Variants in PTPN22 observed in about 807,000 individuals in gnomAD.
The protein encoded by PTPN22 is tyrosine-protein phosphatase non-receptor type 22.
Under a neutral mutation model 103.3 loss-of-function variants are expected in PTPN22, and 85 were observed. That is an observed-to-expected ratio of 0.82 (90% confidence interval 0.69 to 0.99). PTPN22 has a LOEUF of 0.99. Among genes scored for constraint, PTPN22 ranks in the 50% least tolerant of loss-of-function variants. PTPN22 has a pLI of 0.00. For missense variants in PTPN22, 865 were observed against 936.9 expected, an observed-to-expected ratio of 0.92 and a Z score of 1.00; for synonymous variants, 323 against 310.2, an observed-to-expected ratio of 1.04 and a Z score of -0.43.
At position 113,871,521 on chromosome 1, in the gene PTPN22, C is replaced by A. The variant is rs751661052; in HGVS notation, c.87+16G>T. 6.2e-7 allele frequency: 1 copy of A among 1,606,766 alleles called. No individual in the cohort carries two copies. The highest frequency in any genetic ancestry group is 1.7e-5 in the Admixed American group (1 of 60,002). On this transcript the variant is annotated intron_variant, in intron 1 of 20. Transcript: ENST00000359785. ...GTGTATGTAACTACCCTGAGAGGGT[C>A]ACATACAGGACTCACCAGAAATTCA...
At chr1:113,855,598 A>T (rs1194395167) in intron 7 of PTPN22, among the ~76,000 whole-genome samples, 1 of 152,116 alleles carries the variant, frequency 6.6e-6, no homozygotes, top group Admixed American at 6.6e-5. Flanking sequence ...CATTATACCA[A>T]GACAACAGTC....
chr1:113,816,729 T>C (rs1661183570), intron 20 of PTPN22, among the ~76,000 whole-genome samples: 1 of 152,030 alleles, frequency 6.6e-6, no homozygotes, highest in African/African-American at 2.4e-5. Context: ...GCCAACATGA[T>C]GAAACCCTGT....
At chr1:113,859,188 A>C in intron 2 of PTPN22, 110 bp from the exon 3 acceptor site, 2 of 1,476,988 alleles carry the variant, frequency 1.4e-6, no homozygotes. Flanking sequence ...AAGTGAGTGA[A>C]TGAATGAATG....
chr1:113,847,236 C>CTTTTT (rs34578333), intron 11 of PTPN22, among the ~76,000 whole-genome samples: 1 of 101,446 alleles, frequency 9.9e-6, no homozygotes, highest in Non-Finnish European at 2.1e-5. Context: ...TGCTGAGACT[C>CTTTTT]TTTTTTTTTT....
At chr1:113,827,750 G>A (rs781169163) in intron 18 of PTPN22, among the ~76,000 whole-genome samples, 8 of 152,004 alleles carry the variant, frequency 5.3e-5, no homozygotes, top group Non-Finnish European at 7.4e-5. Context: ...CAGGAGGATC[G>A]CTTGAGTCTA....
chr1:113,838,352 C>A lies in PTPN22; in HGVS notation c.1048G>T (p.Glu350Ter). 6.3e-7 allele frequency: 1 copy of A among 1,598,916 alleles called. No homozygotes were observed. The change falls in exon 13 of 21, where the codon GAA (glutamate) becomes TAA (stop). Residue 350 changes from glutamate (E) to a stop codon, truncating the protein, a stop_gained. Transcript: ENST00000359785. LOFTEE classifies it high-confidence loss of function. ...GTCCTAAAGTCAAAGGAAGAAGATTCTTTGATTTCCATTTTTGTCCTTTGT... is the reference window on the plus strand; with the variant it reads ...GTCCTAAAGTCAAAGGAAGAAGATTATTTGATTTCCATTTTTGTCCTTTGT...
intron 18 of PTPN22, among the ~76,000 whole-genome samples, chr1:113,826,752 C>T (rs577514728): frequency 1.4e-3 from 199 of 139,298 alleles, no homozygotes; most frequent in African/African-American, 5.3e-3. Flanking sequence ...TCACTGCAAG[C>T]TCCGCCTCCC....
At chr1:113,819,405 G>GA (rs576964579) in intron 20 of PTPN22, 172 bp downstream of exon 20, 9 of 399,966 alleles carry the variant, frequency 2.3e-5, no homozygotes, top group Non-Finnish European at 4.0e-5. Flanking sequence ...TTCTGTGTGA[G>GA]ATGTTAAGAG....
chr1:113,863,052 C>A (rs1296648266), intron 1 of PTPN22, among the ~76,000 whole-genome samples: 3 of 152,068 alleles, frequency 2.0e-5, no homozygotes, highest in African/African-American at 7.2e-5. Context: ...ACTTTAGATA[C>A]ATAAAATGTG....
chr1:113,820,508 A>C (rs973439054), intron 19 of PTPN22, among the ~76,000 whole-genome samples: 6 of 152,082 alleles, frequency 3.9e-5, no homozygotes, highest in Admixed American at 3.9e-4. Flanking sequence ...AATCTCCCAA[A>C]AGCATTGTTA....
At chr1:113,825,066 A>G in intron 19 of PTPN22, 76 bp downstream of exon 19, 2 of 1,077,538 alleles carry the variant, frequency 1.9e-6, no homozygotes, top group Non-Finnish European at 2.7e-6. Flanking sequence ...TAATCTTTTC[A>G]CAATATTGGT....
intron 1 of PTPN22, among the ~76,000 whole-genome samples, chr1:113,865,477 C>T (rs1161047877): frequency 6.6e-6 from 1 of 152,124 alleles, no homozygotes; most frequent in Admixed American, 6.5e-5. Context: ...AACGAGATCA[C>T]GTACGGCAAA....
Position 113,823,897 on chromosome 1 carries a change from G to C in PTPN22, c.2281+1245C>G, listed in dbSNP as rs567062478. Among the ~76,000 whole-genome samples the C allele has an allele frequency of 1.6e-3, 250 of 152,300 alleles. 2 individuals are homozygous for C. The highest frequency in any genetic ancestry group is 2.8e-3 in the Non-Finnish European group (189 of 68,018). ...GTCAGAGATCAGCTATAATGGCAGT[G>C]ATAGCAAACTAGCTCAAGAACCTGG... On this transcript the variant is annotated intron_variant, in intron 19 of 20. Coordinates refer to ENST00000359785, the Ensembl canonical transcript of PTPN22.
Position 113,833,158 on chromosome 1 carries a change from G to T in PTPN22, c.2026-20C>A. ...TACACTCTAAAAGAAAAAAAGAAAG[G>T]AAAAGTGAAAGAAGAATATGTATAC... On this transcript the variant is annotated intron_variant, in intron 15 of 20. Coordinates refer to ENST00000359785, the Ensembl canonical transcript of PTPN22. 6.5e-7 allele frequency: 1 copy of T among 1,527,524 alleles called. No homozygotes were observed. Among genetic ancestry groups the T allele is most frequent in the Non-Finnish European group, 8.9e-7 (1 of 1,118,248 alleles). The allele number at this position is 1,527,524 out of a possible 1,614,324, so 94.6% of individuals were successfully genotyped here. A position where few individuals can be genotyped will look rare whatever the true frequency, so the allele number is the denominator to read the frequency against.
At chr1:113,814,825 C>T (rs1175831113) in exon 21 of PTPN22, 1 of 1,085,144 alleles carries the variant, frequency 9.2e-7, no homozygotes, top group East Asian at 2.4e-5. Context: ...ATATAGAGCA[C>T]TTATTTTAAC....
intron 1 of PTPN22, among the ~76,000 whole-genome samples, chr1:113,862,575 A>G (rs752322575): frequency 6.6e-6 from 1 of 152,224 alleles, no homozygotes; most frequent in Admixed American, 6.5e-5. Flanking sequence ...GTCACTCCCA[A>G]AAAAGAACAG....
intron 2 of PTPN22, 61 bp from the exon 3 acceptor site, chr1:113,859,139 G>A: frequency 1.9e-6 from 3 of 1,597,974 alleles, no homozygotes; most frequent in East Asian, 4.5e-5. Context: ...ATTTAAATCA[G>A]GGCCTAACAC....
intron 14 of PTPN22, 29 bp downstream of exon 14, chr1:113,834,881 T>A (rs752871497): frequency 1.5e-5 from 23 of 1,491,686 alleles, no homozygotes; most frequent in Non-Finnish European, 2.0e-5. Flanking sequence ...ATCCCACACT[T>A]TATTTTATAC....
At chr1:113,865,239 T>C (rs1666023440) in intron 1 of PTPN22, among the ~76,000 whole-genome samples, 1 of 152,224 alleles carries the variant, frequency 6.6e-6, no homozygotes, top group South Asian at 2.1e-4. Context: ...TTTAAAATAA[T>C]CATGGAACAT....
Sources: allele counts gnomAD v4.1 joint callset (sites outside exome capture counted in the v4.1 genomes callset), GRCh38; gene constraint gnomAD v4.1.1; transcripts MANE v1.5; gene names NCBI Gene and HGNC (gene_info 2026-07-23, HGNC 2026-07-21).